The following DHRSX variants were observed in gnomAD, a reference collection of about 807,000 sequenced individuals.
DHRSX encodes dehydrogenase/reductase X-linked.
In DHRSX, 31 loss-of-function variants were observed where a neutral mutation model predicts 34.0. The observed-to-expected ratio is 0.91, with a 90% confidence interval of 0.69 to 1.23. The LOEUF is 1.23. DHRSX is among the 50% of genes most tolerant of loss of function. The pLI is 0.00. For synonymous variants in DHRSX, 201 were observed against 183.8 expected, an observed-to-expected ratio of 1.09 and a Z score of -0.76; for missense variants, 414 against 428.1, an observed-to-expected ratio of 0.97 and a Z score of 0.29.
chrX:2,293,190 TTCTC>T (rs1363632879), intron 3 of DHRSX, among the ~76,000 whole-genome samples: 1 of 152,110 alleles, frequency 6.6e-6, no homozygotes, highest in African/African-American at 2.4e-5. Flanking sequence ...ACTTCACTCT[TTCTC>T]TCTAAATTCC....
intron 3 of DHRSX, among the ~76,000 whole-genome samples, chrX:2,314,358 A>AGGGAGGG (rs2042207319): frequency 5.7e-5 from 1 of 17,438 alleles, no homozygotes; most frequent in Admixed American, 5.2e-4. Context: ...GGAGGGAGGG[A>AGGGAGGG]AAGAAGGGAG....
intron 3 of DHRSX, among the ~76,000 whole-genome samples, chrX:2,373,912 G>A (rs1339338891): frequency 6.6e-6 from 1 of 152,182 alleles, no homozygotes; most frequent in Non-Finnish European, 1.5e-5. Context: ...AGTGGGGGAA[G>A]AGGAAGCCAC....
chrX:2,324,404 C>A (rs1442370521), intron 3 of DHRSX, among the ~76,000 whole-genome samples: 1 of 152,144 alleles, frequency 6.6e-6, no homozygotes, highest in East Asian at 1.9e-4. Context: ...CAGAGCTGCT[C>A]GGGGCCCCCA....
intron 3 of DHRSX, among the ~76,000 whole-genome samples, chrX:2,298,549 C>T (rs1203581454): frequency 1.3e-5 from 2 of 150,734 alleles, no homozygotes; most frequent in Non-Finnish European, 2.9e-5. Context: ...CTGAAGCACA[C>T]AGCCCATCCT....
At chrX:2,401,158 G>A (rs906074744) in intron 3 of DHRSX, among the ~76,000 whole-genome samples, 1 of 149,584 alleles carries the variant, frequency 6.7e-6, no homozygotes, top group African/African-American at 2.5e-5. Flanking sequence ...CGCCCAGGCC[G>A]GAGTGCAGTG....
intron 1 of DHRSX, among the ~76,000 whole-genome samples, chrX:2,495,325 C>G (rs916171111): frequency 6.6e-6 from 1 of 151,362 alleles, no homozygotes; most frequent in African/African-American, 2.4e-5. Flanking sequence ...GAAAGACGCC[C>G]CAGTACCATG....
intron 1 of DHRSX, among the ~76,000 whole-genome samples, chrX:2,463,614 T>G (rs2044433717): frequency 6.6e-6 from 1 of 152,172 alleles, no homozygotes; most frequent in Non-Finnish European, 1.5e-5. Context: ...TTTCTTGGTA[T>G]CAAGCGTGTA....
intron 5 of DHRSX, among the ~76,000 whole-genome samples, chrX:2,248,627 G>GAAA (rs1199244718): frequency 8.7e-6 from 1 of 114,722 alleles, no homozygotes; most frequent in African/African-American, 3.7e-5. Context: ...AAAAAAAAAA[G>GAAA]AAAAAGAAAA....
At chrX:2,444,275 C>A (rs778420805) in intron 1 of DHRSX, among the ~76,000 whole-genome samples, 19 of 152,286 alleles carry the variant, frequency 1.2e-4, no homozygotes, top group South Asian at 1.0e-3. Context: ...ATTCTGCAAG[C>A]ACACACCCCT....
At chrX:2,323,916 G>A (rs2042343655) in intron 3 of DHRSX, among the ~76,000 whole-genome samples, 1 of 151,904 alleles carries the variant, frequency 6.6e-6, no homozygotes, top group Admixed American at 6.6e-5. Context: ...AATTAGCTGG[G>A]TGTGGTGGTG....
At chrX:2,429,450 G>A (rs2043889886) in intron 1 of DHRSX, among the ~76,000 whole-genome samples, 2 of 56,584 alleles carry the variant, frequency 3.5e-5, no homozygotes, top group Admixed American at 4.0e-4. Context: ...TCTCTGTGAT[G>A]CTTTTTTTTT....
intron 3 of DHRSX, among the ~76,000 whole-genome samples, chrX:2,332,376 T>G (rs1221801924): frequency 6.6e-6 from 1 of 152,168 alleles, no homozygotes; most frequent in Non-Finnish European, 1.5e-5. Flanking sequence ...AGCTAGTTAG[T>G]GTGTGCAGTG....
intron 3 of DHRSX, among the ~76,000 whole-genome samples, chrX:2,368,670 C>T (rs1474204674): frequency 6.6e-6 from 1 of 152,016 alleles, no homozygotes; most frequent in East Asian, 1.9e-4. Context: ...GCCAACATGT[C>T]AAAACCCCGT....
chrX:2,473,195 T>C (rs776835655), intron 1 of DHRSX, among the ~76,000 whole-genome samples: 197 of 152,110 alleles, frequency 1.3e-3, no homozygotes, highest in African/African-American at 4.5e-3. Flanking sequence ...GGACAACACG[T>C]GGGACGCCAA....
chrX:2,477,852 C>CAAAAAA (rs772395587), intron 1 of DHRSX, among the ~76,000 whole-genome samples: 3 of 125,756 alleles, frequency 2.4e-5, no homozygotes, highest in Admixed American at 8.5e-5. Context: ...GACTCCGTCT[C>CAAAAAA]AAAAAAAAAA....
chrX:2,323,525 G>C lies in DHRSX; in HGVS notation c.287-31922C>G, dbSNP rs764955678. ...CGCCTGTAATCCCAGCACTTTAAGA[G>C]GCCCAGGTGAGAAGACTGCTGGAGG... On this transcript the variant is annotated intron_variant, in intron 3 of 6. Coordinates refer to ENST00000334651, the MANE Select transcript of DHRSX (RefSeq NM_145177.3). 3.3e-5 allele frequency among the ~76,000 whole-genome samples: 5 copies of C among 152,208 alleles called. No homozygotes were observed. In the East Asian group the frequency reaches 7.7e-4, roughly 23 times the overall value.
chrX:2,369,317 C>G (rs2043029828), intron 3 of DHRSX, among the ~76,000 whole-genome samples: 1 of 152,118 alleles, frequency 6.6e-6, no homozygotes, highest in Admixed American at 6.5e-5. Flanking sequence ...ACTCTCACCA[C>G]TAATTGGTGG....
intron 5 of DHRSX, among the ~76,000 whole-genome samples, chrX:2,265,463 C>T (rs1223823032): frequency 1.7e-5 from 2 of 117,578 alleles, no homozygotes; most frequent in African/African-American, 3.4e-5. Context: ...GGAGCACTGT[C>T]CCCAGAGCAC....
intron 6 of DHRSX, among the ~76,000 whole-genome samples, chrX:2,221,677 A>G (rs999065978): frequency 2.0e-5 from 3 of 152,206 alleles, no homozygotes; most frequent in Non-Finnish European, 2.9e-5. Context: ...GGCATGCTAC[A>G]TCGGAGAATT....
Sources: allele counts gnomAD v4.1 joint callset (sites outside exome capture counted in the v4.1 genomes callset), GRCh38; gene constraint gnomAD v4.1.1; transcripts MANE v1.5; gene names NCBI Gene and HGNC (gene_info 2026-07-23, HGNC 2026-07-21).